SEMA3A: variants seen among roughly 807,000 people sequenced by gnomAD.
SEMA3A encodes semaphorin 3A.
SEMA3A carries 29 observed loss-of-function variants against 97.9 expected under a neutral mutation model. The observed-to-expected ratio is 0.30, with a 90% CI of 0.22 to 0.40. The LOEUF (loss-of-function observed/expected upper bound fraction) is 0.40. Among genes scored for constraint, SEMA3A ranks in the 10% least tolerant of loss-of-function variants. SEMA3A has a pLI of 1.00. For missense variants in SEMA3A, 763 were observed against 951.3 expected (o/e 0.80, Z 2.60); for synonymous variants, 321 against 323.7 (o/e 0.99, Z 0.09).
chr7:84,478,932 T>C (rs1017956198), intron 1 of SEMA3A, among the ~76,000 whole-genome samples: 3 of 152,152 alleles, frequency 2.0e-5, no homozygotes, highest in East Asian at 1.9e-4. Flanking sequence ...ATCAACCTTA[T>C]ATAAAATCAT....
At chr7:84,358,068 T>C (rs1584262154) in intron 2 of SEMA3A, among the ~76,000 whole-genome samples, 2 of 152,340 alleles carry the variant, frequency 1.3e-5, no homozygotes, top group Middle Eastern at 3.4e-3. Flanking sequence ...TGGAAAACTT[T>C]TCTCCCATTC....
intron 2 of SEMA3A, among the ~76,000 whole-genome samples, chr7:84,335,487 G>A (rs545293117): frequency 6.6e-6 from 1 of 152,054 alleles, no homozygotes; most frequent in Non-Finnish European, 1.5e-5. Context: ...GGGAGCAAGA[G>A]AGAGATCTAT....
At position 84,454,935 on chromosome 7, in the gene SEMA3A, A is replaced by C. The variant is rs968467363; in HGVS notation, c.-246+37525T>G. Among the ~76,000 whole-genome samples the C allele has an allele frequency of 2.0e-5, 3 of 152,028 alleles. No individual in the cohort carries two copies. In the South Asian group the frequency reaches 6.2e-4, roughly 31 times the overall value. On this transcript the variant is annotated intron_variant, in intron 1 of 3. Coordinates refer to the SEMA3A transcript ENST00000424555. Reference sequence around the variant, plus strand: ...TAATTATATTAACAAGTAGCACCTCAAGGTTTAATGTAATCTTTAAAACTA... The same window carrying C: ...TAATTATATTAACAAGTAGCACCTCCAGGTTTAATGTAATCTTTAAAACTA...
At chr7:84,027,372 C>T (rs762557502) in intron 6 of SEMA3A, among the ~76,000 whole-genome samples, 48 of 152,074 alleles carry the variant, frequency 3.2e-4, no homozygotes, top group South Asian at 1.5e-3. Context: ...ATATATTTCA[C>T]GAGTTCTTTC....
intron 1 of SEMA3A, among the ~76,000 whole-genome samples, chr7:84,393,090 T>C (rs1803628284): frequency 6.6e-6 from 1 of 152,184 alleles, no homozygotes; most frequent in Non-Finnish European, 1.5e-5. Flanking sequence ...TGCCTATGCT[T>C]TGGGGGTCAA....
chr7:84,226,253 A>C (rs545976622), intron 3 of SEMA3A, among the ~76,000 whole-genome samples: 1 of 152,192 alleles, frequency 6.6e-6, no homozygotes, highest in South Asian at 2.1e-4. Context: ...TGTTGTTGGG[A>C]ACAGAAAAGG....
chr7:84,253,303 T>C (rs114879798), intron 3 of SEMA3A, among the ~76,000 whole-genome samples: 1 of 152,124 alleles, frequency 6.6e-6, no homozygotes, highest in African/African-American at 2.4e-5. Flanking sequence ...TTTGGAAATA[T>C]ATGAGTAGCA....
chr7:84,172,577 A>G (rs1177125618), intron 1 of SEMA3A, among the ~76,000 whole-genome samples: 2 of 151,146 alleles, frequency 1.3e-5, no homozygotes, highest in East Asian at 1.9e-4. Context: ...ATCCGCCACC[A>G]CGCCCGGCTC....
At chr7:84,112,310 A>G (rs1000293766) in intron 3 of SEMA3A, among the ~76,000 whole-genome samples, 3 of 152,194 alleles carry the variant, frequency 2.0e-5, no homozygotes, top group Non-Finnish European at 4.4e-5. Context: ...GGCTGTGTAC[A>G]TATTGGTAAG....
intron 5 of SEMA3A, 114 bp from the exon 6 acceptor site, chr7:84,046,557 T>C (rs2115585054): frequency 3.5e-6 from 4 of 1,145,376 alleles, no homozygotes; most frequent in Middle Eastern, 4.3e-4. Context: ...AGAGGAAAAC[T>C]GAAATGCTCT....
At chr7:84,145,255 A>C (rs1213735275) in intron 1 of SEMA3A, among the ~76,000 whole-genome samples, 1 of 152,120 alleles carries the variant, frequency 6.6e-6, no homozygotes, top group Admixed American at 6.6e-5. Context: ...CTGTACATAC[A>C]TAGATTAATC....
intron 3 of SEMA3A, among the ~76,000 whole-genome samples, chr7:84,271,908 T>TA (rs934430945): frequency 1.3e-5 from 2 of 152,118 alleles, no homozygotes; most frequent in Non-Finnish European, 2.9e-5. Context: ...GTCTTTGATA[T>TA]AAAATAATAC....
intron 2 of SEMA3A, among the ~76,000 whole-genome samples, chr7:84,308,511 T>C (rs376446112): frequency 6.6e-6 from 1 of 152,172 alleles, no homozygotes; most frequent in Non-Finnish European, 1.5e-5. Flanking sequence ...ACTAGAATTT[T>C]TGAAGACTCA....
intron 1 of SEMA3A, among the ~76,000 whole-genome samples, chr7:84,155,170 C>A (rs973706970): frequency 5.9e-5 from 9 of 152,148 alleles, no homozygotes; most frequent in Non-Finnish European, 1.2e-4. Context: ...ACTTCCAACT[C>A]AAGACCTATC....
intron 1 of SEMA3A, among the ~76,000 whole-genome samples, chr7:84,380,810 A>T (rs1442962611): frequency 6.6e-6 from 1 of 151,954 alleles, no homozygotes; most frequent in Non-Finnish European, 1.5e-5. Context: ...ATGCACAAAA[A>T]CCCTTAACTT....
chr7:84,091,349 GAAGGAAGA>G (rs961746463), intron 4 of SEMA3A, among the ~76,000 whole-genome samples: 7 of 118,732 alleles, frequency 5.9e-5, no homozygotes, highest in African/African-American at 1.5e-4. Flanking sequence ...AGGAGGGAAG[GAAGGAAGA>G]AAGGAAGAAA....
At chr7:84,309,454 T>G (rs1030483283) in intron 2 of SEMA3A, among the ~76,000 whole-genome samples, 1 of 152,174 alleles carries the variant, frequency 6.6e-6, no homozygotes, top group Non-Finnish European at 1.5e-5. Flanking sequence ...TGTAAAGTCA[T>G]GTCAGGAGTG....
chr7:84,423,583 G>C (rs1043790606), intron 1 of SEMA3A, among the ~76,000 whole-genome samples: 1 of 151,938 alleles, frequency 6.6e-6, no homozygotes, highest in African/African-American at 2.4e-5. Flanking sequence ...TGTCGAAATA[G>C]ATAGTTATAT....
At chr7:84,059,534 C>G (rs980719190) in intron 5 of SEMA3A, among the ~76,000 whole-genome samples, 2 of 151,520 alleles carry the variant, frequency 1.3e-5, no homozygotes, top group Admixed American at 1.3e-4. Context: ...TATCAGATAA[C>G]CTAAATTTAA....
Sources: allele counts gnomAD v4.1 joint callset (sites outside exome capture counted in the v4.1 genomes callset), GRCh38; gene constraint gnomAD v4.1.1; transcripts MANE v1.5; gene names NCBI Gene and HGNC (gene_info 2026-07-23, HGNC 2026-07-21).